Variants in VPS26A observed in about 807,000 individuals in gnomAD.
VPS26A encodes vacuolar protein sorting-associated protein 26A.
A neutral mutation model predicts 42.4 loss-of-function variants in VPS26A; 22 were observed. The observed-to-expected ratio is 0.52, with a 90% CI of 0.37 to 0.74. VPS26A has a LOEUF of 0.74. Among genes scored for constraint, VPS26A ranks in the 30% least tolerant of loss-of-function variants. The pLI is 0.00. For synonymous variants in VPS26A, 110 were observed against 123.5 expected (o/e 0.89, Z 0.73); for missense variants, 276 against 379.2 (o/e 0.73, Z 2.26).
At chr10:69,131,372 G>C (rs1840773854) in intron 1 of VPS26A, among the ~76,000 whole-genome samples, 2 of 152,172 alleles carry the variant, frequency 1.3e-5, no homozygotes, top group Non-Finnish European at 2.9e-5. Context: ...AGGATTGCTT[G>C]AGCCCAGGAG....
chr10:69,132,510 T>TG, intron 1 of VPS26A, among the ~76,000 whole-genome samples: 1 of 152,070 alleles, frequency 6.6e-6, no homozygotes, highest in Admixed American at 6.6e-5. Context: ...TGGCGCGATC[T>TG]TGGCTCACTG....
chr10:69,126,151 GAGT>G (rs545915663), intron 1 of VPS26A, among the ~76,000 whole-genome samples: 10 of 152,244 alleles, frequency 6.6e-5, no homozygotes, highest in African/African-American at 1.4e-4. Context: ...CAAAAGAAGT[GAGT>G]AGTATTTTTG....
chr10:69,133,715 C>T lies in VPS26A; in HGVS notation c.153+668C>T, dbSNP rs1287334235. ...GTTTCGTTTTTTAAATAGGGTCTCA[C>T]TCTGTTGCTCAAGCTGGAGTGCAGT... On this transcript the variant is annotated intron_variant, in intron 2 of 8. Transcript: ENST00000263559. 5.6e-6 allele frequency: 4 copies of T among 719,378 alleles called. No individual in the cohort carries two copies. The Admixed American group carries it at 1.0e-4, about 19-fold the overall frequency. 44.6% of individuals were successfully genotyped at this position (719,378 alleles called of 1,614,324 possible). A position where few individuals can be genotyped will look rare whatever the true frequency, so the allele number is the denominator to read the frequency against.
At chr10:69,148,370 G>T (rs1841211538) in intron 2 of VPS26A, among the ~76,000 whole-genome samples, 1 of 152,026 alleles carries the variant, frequency 6.6e-6, no homozygotes, top group African/African-American at 2.4e-5. Context: ...TCAACACAGG[G>T]GTTGACTTTT....
intron 2 of VPS26A, among the ~76,000 whole-genome samples, chr10:69,150,484 C>A (rs1252723882): frequency 6.6e-6 from 1 of 152,198 alleles, no homozygotes; most frequent in East Asian, 1.9e-4. Flanking sequence ...GCAAGCTCCA[C>A]CTCCTGGGTT....
rs1418541749 is a variant in VPS26A at position 69,174,227 on chromosome 10, C to T, written c.*2958C>T. Among the ~76,000 whole-genome samples, 2 of 147,856 alleles carry T rather than the reference C, an allele frequency of 1.4e-5. No homozygotes were observed. Among genetic ancestry groups the T allele is most frequent in the African/African-American group, 2.5e-5 (1 of 40,422 alleles). On this transcript the variant is annotated 3_prime_UTR_variant, in exon 9 of 9. Coordinates refer to ENST00000263559, the MANE Select transcript of VPS26A (RefSeq NM_004896.5). Reference sequence around the variant, plus strand: ...AAGGTCCACGGCTCCGTTAAGTCAGCGAGACCGCAAACCCACTGGAAGGAA... The same window carrying T: ...AAGGTCCACGGCTCCGTTAAGTCAGTGAGACCGCAAACCCACTGGAAGGAA...
intron 2 of VPS26A, among the ~76,000 whole-genome samples, chr10:69,146,199 ATT>A (rs1841156346): frequency 6.6e-6 from 1 of 152,088 alleles, no homozygotes; most frequent in Non-Finnish European, 1.5e-5. Flanking sequence ...GGTTCAAGCA[ATT>A]CTCTTGCCTC....
At chr10:69,133,597 C>T in intron 2 of VPS26A, 2 of 1,289,432 alleles carry the variant, frequency 1.6e-6, no homozygotes, top group Non-Finnish European at 1.0e-6. Context: ...GTTTATGACG[C>T]CTTCTATAAG....
At chr10:69,170,138 A>T (rs766201041) in intron 8 of VPS26A, 14 of 152,214 alleles carry the variant, frequency 9.2e-5, no homozygotes, top group African/African-American at 2.7e-4. Context: ...CCTTTTATAA[A>T]CATGATCTGT....
Position 69,127,370 on chromosome 10 carries a change from G to T in VPS26A, c.3+3090G>T, listed in dbSNP as rs191880163. On this transcript the variant is annotated intron_variant, in intron 1 of 8. Coordinates refer to ENST00000263559, the MANE Select transcript of VPS26A (RefSeq NM_004896.5). The stretch of plus-strand genomic sequence containing the variant: ...AGATCAAGAGCATCCTGGCTAACAC[G>T]GTGAAACCCCGTCTCCACTAAAAAT... 3.0e-3 allele frequency among the ~76,000 whole-genome samples: 460 copies of T among 151,248 alleles called. 1 individual carries two copies. Among genetic ancestry groups the T allele is most frequent in the Middle Eastern group, 0.021 (6 of 292 alleles).
rs555622571 is a variant in VPS26A at position 69,159,778 on chromosome 10, T to A, written c.551+1567T>A. Among the ~76,000 whole-genome samples, 7 of 152,330 alleles carry A rather than the reference T, an allele frequency of 4.6e-5. No homozygotes were observed. In the South Asian group the frequency reaches 1.2e-3, roughly 27 times the overall value. ...CAGACAGTATTCACATTTCCCTAAT[T>A]GGCTCACAGATATCTTTCTTTTTTC... On this transcript the variant is annotated intron_variant, in intron 5 of 8. Transcript: ENST00000263559.
chr10:69,138,005 C>T (rs1840957479), intron 2 of VPS26A, among the ~76,000 whole-genome samples: 1 of 151,984 alleles, frequency 6.6e-6, no homozygotes, highest in African/African-American at 2.4e-5. Context: ...AAATGCTGTA[C>T]CATTAGCAGT....
intron 2 of VPS26A, among the ~76,000 whole-genome samples, chr10:69,153,162 G>A (rs1469946730): frequency 6.7e-6 from 1 of 150,060 alleles, no homozygotes; most frequent in African/African-American, 2.4e-5. Context: ...TGATTCTCTT[G>A]CCTTAGCCTC....
chr10:69,162,346 G>T, intron 5 of VPS26A, 60 bp from the exon 6 acceptor site: 1 of 876,958 alleles, frequency 1.1e-6, no homozygotes, highest in Non-Finnish European at 1.8e-6. Context: ...TTAGGACATA[G>T]TTCACTGTTT....
rs1022644127 is a variant in VPS26A at position 69,168,408 on chromosome 10, A to G, written c.728-81A>G. ...ATGAGGATGTGAAGCATTAGTGTCA[A>G]CTCTATAGTGCTTAGTCCTACCTGT... On this transcript the variant is annotated intron_variant, in intron 7 of 8. Coordinates refer to ENST00000263559, the MANE Select transcript of VPS26A (RefSeq NM_004896.5). 3.4e-5 allele frequency: 50 copies of G among 1,451,670 alleles called. No individual in the cohort carries two copies. The South Asian group carries it at 6.0e-4, about 17-fold the overall frequency. 89.9% of individuals were successfully genotyped at this position (1,451,670 alleles called of 1,614,324 possible). A position where few individuals can be genotyped will look rare whatever the true frequency, so the allele number is the denominator to read the frequency against.
chr10:69,157,299 T>G (rs1394132571), intron 4 of VPS26A, 136 bp downstream of exon 4: 1 of 1,129,128 alleles, frequency 8.9e-7, no homozygotes, highest in Non-Finnish European at 1.2e-6. Context: ...TCACATACTT[T>G]GGCTAATGCT....
At chr10:69,151,264 C>CAAAAAAAAAACAAAAAAA (rs1841299319) in intron 2 of VPS26A, among the ~76,000 whole-genome samples, 5 of 30,414 alleles carry the variant, frequency 1.6e-4, no homozygotes, top group African/African-American at 4.7e-4. Context: ...GACTCCATGT[C>CAAAAAAAAAACAAAAAAA]AAAAAAAAAA....
rs1841813559 is a variant in VPS26A at position 69,171,440 on chromosome 10, T to A, written c.*171T>A. ...ATTTATTTTATGATATAATGAAATG[T>A]TCGTTCATGTATATACATTTTTAAA... is the stretch of plus-strand genomic sequence containing the variant. On this transcript the variant is annotated 3_prime_UTR_variant, in exon 9 of 9. Coordinates refer to ENST00000263559, the MANE Select transcript of VPS26A (RefSeq NM_004896.5). 3 of 539,564 alleles carry A rather than the reference T, an allele frequency of 5.6e-6. No individual in the cohort carries two copies. The Admixed American group carries it at 1.2e-4, about 21-fold the overall frequency. 33.4% of individuals were successfully genotyped at this position (539,564 alleles called of 1,614,324 possible).
At chr10:69,158,252 A>G (rs774788835) in intron 5 of VPS26A, 41 bp downstream of exon 5, 18 of 1,490,082 alleles carry the variant, frequency 1.2e-5, no homozygotes, top group Admixed American at 4.5e-5. Context: ...AGAAAATTCA[A>G]AAATTAACTT....
Sources: gnomAD v4.1 joint callset for allele counts (sites outside exome capture counted in the v4.1 genomes callset) on GRCh38, gnomAD v4.1.1 for gene constraint, MANE v1.5 for transcripts, NCBI Gene and HGNC (gene_info 2026-07-23, HGNC 2026-07-21) for gene names.